Variants in UROS observed in about 807,000 individuals in gnomAD.
UROS encodes uroporphyrinogen-III synthase.
A neutral mutation model predicts 33.0 loss-of-function variants in UROS; 18 were observed. The ratio of observed to expected loss-of-function variants is 0.55; its 90% confidence interval spans 0.38 to 0.81. The LOEUF is 0.81. Ranked by LOEUF, UROS falls within the 30% of genes least tolerant of loss-of-function variation. The pLI is 0.00. For missense variants in UROS, 293 were observed against 314.9 expected (o/e 0.93, Z 0.53); for synonymous variants, 114 against 121.1 (o/e 0.94, Z 0.38).
At chr10:125,791,408 CA>C (rs1850926182) in intron 9 of UROS, 1 of 152,096 alleles carries the variant, frequency 6.6e-6, no homozygotes, top group East Asian at 1.9e-4. Context: ...ATGGCACAAC[CA>C]CTTTGGAAAA....
At chr10:125,818,194 A>G (rs1564805710) in intron 1 of UROS, among the ~76,000 whole-genome samples, 1 of 152,198 alleles carries the variant, frequency 6.6e-6, no homozygotes, top group Non-Finnish European at 1.5e-5. Flanking sequence ...TTTCTAATAT[A>G]AAATTAGGCC....
chr10:125,809,420 A>G (rs1346935116), intron 5 of UROS, among the ~76,000 whole-genome samples: 1 of 152,246 alleles, frequency 6.6e-6, no homozygotes, highest in Non-Finnish European at 1.5e-5. Flanking sequence ...TTAAAATGTT[A>G]TTAAAATATG....
intron 9 of UROS, among the ~76,000 whole-genome samples, chr10:125,790,680 G>A (rs534236455): frequency 5.6e-4 from 85 of 151,066 alleles, no homozygotes; most frequent in African/African-American, 1.9e-3. Context: ...CTACTTGGGA[G>A]GCTGAGGCAG....
At chr10:125,818,261 T>C (rs764490896) in intron 1 of UROS, among the ~76,000 whole-genome samples, 3 of 152,144 alleles carry the variant, frequency 2.0e-5, no homozygotes, top group Admixed American at 1.3e-4. Flanking sequence ...GGCAGGAGGA[T>C]TGCTTGAGAG....
At chr10:125,807,191 CAAGTT>C (rs1359979634) in intron 6 of UROS, 1 of 577,340 alleles carries the variant, frequency 1.7e-6, no homozygotes, top group African/African-American at 1.9e-5. Flanking sequence ...ATGTTCAAGT[CAAGTT>C]CTTTGGTACA....
intron 6 of UROS, chr10:125,802,621 G>C (rs369837605): frequency 9.4e-7 from 1 of 1,066,710 alleles, no homozygotes; most frequent in Non-Finnish European, 1.1e-6. Flanking sequence ...GCAGCAAATG[G>C]TGAACACTTT....
At chr10:125,787,177 C>T (rs2133793245), downstream of UROS, among the ~76,000 whole-genome samples, 1 of 152,360 alleles carries the variant, frequency 6.6e-6, no homozygotes, top group East Asian at 1.9e-4. Context: ...GTGGTGTTTA[C>T]TAGCATGTAG....
intron 8 of UROS, among the ~76,000 whole-genome samples, chr10:125,795,866 C>T (rs1336107567): frequency 7.2e-5 from 11 of 152,174 alleles, no homozygotes; most frequent in Admixed American, 6.5e-4. Context: ...CACCTCTTAC[C>T]GAAATCACTG....
intron 6 of UROS, among the ~76,000 whole-genome samples, chr10:125,800,690 T>G (rs1851778646): frequency 6.6e-6 from 1 of 151,782 alleles, no homozygotes; most frequent in African/African-American, 2.4e-5. Context: ...GCCTCCTGAG[T>G]AGCTGGGATT....
chr10:125,807,219 A>T, intron 6 of UROS, 194 bp downstream of exon 6: 1 of 611,582 alleles, frequency 1.6e-6, no homozygotes, highest in Non-Finnish European at 2.9e-6. Flanking sequence ...GGGTAGAAGG[A>T]AGTGGGCTAA....
chr10:125,819,499 T>C (rs557535883), intron 1 of UROS, among the ~76,000 whole-genome samples: 3 of 152,290 alleles, frequency 2.0e-5, no homozygotes, highest in African/African-American at 7.2e-5. Context: ...ATCTGATCCC[T>C]GTGCAGTTTT....
intron 4 of UROS, 62 bp downstream of exon 4, chr10:125,814,972 C>G: frequency 6.4e-7 from 1 of 1,572,496 alleles, no homozygotes; most frequent in Non-Finnish European, 8.7e-7. Flanking sequence ...AATTTAGTCT[C>G]CCAGCAGGAG....
chr10:125,799,195 G>A (rs1041644895), intron 6 of UROS, among the ~76,000 whole-genome samples: 5 of 152,164 alleles, frequency 3.3e-5, no homozygotes, highest in Non-Finnish European at 5.9e-5. Context: ...ACATACTGGT[G>A]AATGTTTTCT....
intron 9 of UROS, among the ~76,000 whole-genome samples, chr10:125,790,829 G>A (rs1850874152): frequency 6.8e-6 from 1 of 147,610 alleles, no homozygotes; most frequent in Non-Finnish European, 1.5e-5. Context: ...CGTGGCTCAT[G>A]CCTGTAATAC....
chr10:125,820,171 T>G (rs1853747405), intron 1 of UROS, among the ~76,000 whole-genome samples: 2 of 152,164 alleles, frequency 1.3e-5, no homozygotes, highest in Non-Finnish European at 2.9e-5. Flanking sequence ...TATATTTACA[T>G]CTAGAAAGGG....
At chr10:125,816,866 G>A (rs1045805258) in intron 1 of UROS, among the ~76,000 whole-genome samples, 13 of 152,184 alleles carry the variant, frequency 8.5e-5, no homozygotes, top group Admixed American at 3.3e-4. Flanking sequence ...GGTATCTTAT[G>A]TTTTAAGGAG....
chr10:125,799,764 C>G (rs940965119), intron 6 of UROS, among the ~76,000 whole-genome samples: 1 of 152,204 alleles, frequency 6.6e-6, no homozygotes, highest in Non-Finnish European at 1.5e-5. Context: ...AGGCACCACC[C>G]TGTCAGCAGA....
chr10:125,802,300 C>T, intron 6 of UROS: 4 of 985,992 alleles, frequency 4.1e-6, no homozygotes, highest in Non-Finnish European at 4.8e-6. Context: ...AACCAGTGCT[C>T]TCTGATCCGG....
downstream of UROS, among the ~76,000 whole-genome samples, chr10:125,786,278 C>A (rs1850631738): frequency 7.2e-6 from 1 of 138,544 alleles, no homozygotes; most frequent in African/African-American, 2.6e-5. Flanking sequence ...GCACATGAAC[C>A]TTTTTTTTTT....
Sources: gnomAD v4.1 joint callset for allele counts (sites outside exome capture counted in the v4.1 genomes callset) on GRCh38, gnomAD v4.1.1 for gene constraint, MANE v1.5 for transcripts, NCBI Gene and HGNC (gene_info 2026-07-23, HGNC 2026-07-21) for gene names.